The following CNKSR2 variants were observed in gnomAD, a reference collection of about 807,000 sequenced individuals.
CNKSR2 encodes the protein connector enhancer of kinase suppressor of Ras 2.
CNKSR2 carries 14 observed loss-of-function variants against 84.4 expected under a neutral mutation model. The ratio of observed to expected loss-of-function variants is 0.17; its 90% confidence interval spans 0.11 to 0.26. The LOEUF is 0.26. Among genes scored for constraint, CNKSR2 ranks in the 10% least tolerant of loss-of-function variants. The probability of loss-of-function intolerance (pLI) is 1.00; values close to 1 mark genes in which losing one functional copy is unlikely to be tolerated. For missense variants in CNKSR2, 485 were observed against 771.2 expected (o/e 0.63, Z 4.40); for synonymous variants, 275 against 277.9 (o/e 0.99, Z 0.10).
chrX:21,522,976 T>C (rs1467273094), intron 9 of CNKSR2, among the ~76,000 whole-genome samples: 1 of 111,035 alleles, frequency 9.0e-6, no homozygotes, highest in Admixed American at 9.5e-5. Flanking sequence ...TAGTACGTTA[T>C]CACCAATTGA....
At chrX:21,509,725 T>G (rs2147082719) in intron 8 of CNKSR2, among the ~76,000 whole-genome samples, 1 of 111,776 alleles carries the variant, frequency 8.9e-6, no homozygotes, top group Non-Finnish European at 1.9e-5. Context: ...CTTTTTTTAT[T>G]AATATTTCAT....
chrX:21,510,010 G>A (rs948858576), intron 8 of CNKSR2, among the ~76,000 whole-genome samples: 1 of 111,591 alleles, frequency 9.0e-6, no homozygotes, highest in Non-Finnish European at 1.9e-5. Context: ...CAAAGACTGA[G>A]TGTCATTAGT....
intron 19 of CNKSR2, 151 bp downstream of exon 19, chrX:21,607,030 T>G: frequency 3.0e-6 from 1 of 329,534 alleles, no homozygotes; most frequent in Non-Finnish European, 5.3e-6. Context: ...ATAAGCAAAT[T>G]TTTTTAAGTA....
intron 4 of CNKSR2, among the ~76,000 whole-genome samples, chrX:21,458,289 T>C (rs1008068226): frequency 3.5e-5 from 4 of 112,750 alleles, no homozygotes; most frequent in Non-Finnish European, 7.5e-5. Context: ...GTGTTTCTAA[T>C]GGTTATCAAA....
chrX:21,391,166 A>G (rs151236693), intron 1 of CNKSR2, among the ~76,000 whole-genome samples: 258 of 112,430 alleles, frequency 2.3e-3, no homozygotes, highest in African/African-American at 7.5e-3. Context: ...TTCCAGGTAC[A>G]TGGTGCAAGC....
At chrX:21,616,765 C>T (rs2092578767) in intron 20 of CNKSR2, among the ~76,000 whole-genome samples, 1 of 112,022 alleles carries the variant, frequency 8.9e-6, no homozygotes, top group African/African-American at 3.2e-5. Context: ...TTGTTCTTCC[C>T]ACCAAAATCC....
At chrX:21,524,484 G>A (rs746386545) in intron 9 of CNKSR2, among the ~76,000 whole-genome samples, 4 of 111,116 alleles carry the variant, frequency 3.6e-5, no homozygotes, top group African/African-American at 1.3e-4. Context: ...AGAAATAGCA[G>A]TTTGAAGGAA....
At chrX:21,508,344 C>G (rs1318703708) in intron 8 of CNKSR2, among the ~76,000 whole-genome samples, 2 of 111,618 alleles carry the variant, frequency 1.8e-5, no homozygotes, top group African/African-American at 6.5e-5. Flanking sequence ...AAAGAAAAAC[C>G]TGTATTATTA....
intron 8 of CNKSR2, chrX:21,504,568 A>G (rs1478465666): frequency 1.3e-5 from 3 of 235,537 alleles, no homozygotes; most frequent in Non-Finnish European, 2.3e-5. Context: ...TAAGATAAAT[A>G]CAAAAATTAT....
At chrX:21,424,850 A>C (rs776765069) in intron 1 of CNKSR2, 2 of 111,835 alleles carry the variant, frequency 1.8e-5, no homozygotes, top group African/African-American at 3.2e-5. Flanking sequence ...CCATTTAGAT[A>C]TTCAGCACAT....
chrX:21,526,798 G>T, intron 9 of CNKSR2, 69 bp from the exon 10 acceptor site: 3 of 772,973 alleles, frequency 3.9e-6, no homozygotes, highest in Non-Finnish European at 5.8e-6. Flanking sequence ...TGTTGTTGTT[G>T]TTGTTGTTGT....
intron 1 of CNKSR2, among the ~76,000 whole-genome samples, chrX:21,412,998 C>T (rs936554534): frequency 9.0e-6 from 1 of 111,625 alleles, no homozygotes; most frequent in Admixed American, 9.5e-5. Context: ...ACCTCAGCAT[C>T]CATTCACAGA....
intron 3 of CNKSR2, among the ~76,000 whole-genome samples, chrX:21,439,944 T>TC (rs1042752371): frequency 9.4e-6 from 1 of 106,652 alleles, no homozygotes; most frequent in South Asian, 4.1e-4. Flanking sequence ...GATATACCCC[T>TC]CCCCCCCAAA....
At chrX:21,505,272 T>A (rs944379388) in intron 8 of CNKSR2, 1 of 111,956 alleles carries the variant, frequency 8.9e-6, no homozygotes, top group South Asian at 3.8e-4. Context: ...TTATTTTGTA[T>A]TAATATTAAA....
intron 20 of CNKSR2, among the ~76,000 whole-genome samples, chrX:21,621,006 G>T (rs2147302418): frequency 9.0e-6 from 1 of 111,318 alleles, no homozygotes; most frequent in South Asian, 3.8e-4. Context: ...TAATGGTCTT[G>T]CCCTTTGCTC....
At chrX:21,514,572 A>T in intron 8 of CNKSR2, among the ~76,000 whole-genome samples, 1 of 111,667 alleles carries the variant, frequency 9.0e-6, no homozygotes, top group Non-Finnish European at 1.9e-5. Context: ...TGAAAATTTC[A>T]CAGGAAAATA....
intron 1 of CNKSR2, among the ~76,000 whole-genome samples, chrX:21,385,983 G>A (rs1447867795): frequency 1.2e-5 from 1 of 82,306 alleles, no homozygotes; most frequent in African/African-American, 4.9e-5. Flanking sequence ...GACCCCTAGA[G>A]TTTGATGTTC....
intron 20 of CNKSR2, among the ~76,000 whole-genome samples, chrX:21,611,826 A>C (rs1418766722): frequency 9.0e-6 from 1 of 111,229 alleles, no homozygotes. Context: ...TTTTGTCTTT[A>C]TGGTTCAATA....
chrX:21,527,210 A>G (rs770416998), intron 10 of CNKSR2, among the ~76,000 whole-genome samples: 43 of 110,623 alleles, frequency 3.9e-4, no homozygotes, highest in Middle Eastern at 4.7e-3. Flanking sequence ...CTTGCTGTGC[A>G]TTAAATAATT....
Sources: allele counts gnomAD v4.1 joint callset (sites outside exome capture counted in the v4.1 genomes callset), GRCh38; gene constraint gnomAD v4.1.1; transcripts MANE v1.5; gene names NCBI Gene and HGNC (gene_info 2026-07-23, HGNC 2026-07-21).